FYTTD1: variants seen among roughly 807,000 people sequenced by gnomAD.
The protein encoded by FYTTD1 is UAP56-interacting factor.
FYTTD1 carries 22 observed loss-of-function variants against 40.9 expected under a neutral mutation model. The ratio of observed to expected loss-of-function variants is 0.54; its 90% CI spans 0.38 to 0.77. FYTTD1 has a LOEUF of 0.77. Ranked by LOEUF, FYTTD1 falls within the 30% of genes least tolerant of loss-of-function variation. FYTTD1 has a pLI of 0.00. For synonymous variants in FYTTD1, 140 were observed against 137.9 expected, an observed-to-expected ratio of 1.01 and a Z score of -0.10; for missense variants, 351 against 392.2, an observed-to-expected ratio of 0.90 and a Z score of 0.89.
Position 197,774,013 on chromosome 3 carries a change from G to T in FYTTD1, c.595-136G>T, listed in dbSNP as rs112118161. ...CGCACACGCCCCACTGGGTTAGGAA[G>T]TTGTAGAATAGCGCAGGCACCTCCG... On this transcript the variant is annotated intron_variant, in intron 5 of 8. Transcript: ENST00000241502. 2.6e-4 allele frequency: 186 copies of T among 716,648 alleles called. 4 individuals carry two copies. Among genetic ancestry groups the T allele is most frequent in the South Asian group, 4.7e-4 (27 of 57,330 alleles). The allele number at this position is 716,648 out of a possible 1,614,324, so 44.4% of individuals were successfully genotyped here.
chr3:197,759,893 A>G (rs940973372), intron 2 of FYTTD1, among the ~76,000 whole-genome samples: 1 of 147,638 alleles, frequency 6.8e-6, no homozygotes, highest in Non-Finnish European at 1.5e-5. Context: ...GGTAGAATGT[A>G]TAGGGTGTTC....
At chr3:197,762,587 T>C (rs931927802) in intron 2 of FYTTD1, among the ~76,000 whole-genome samples, 1 of 123,498 alleles carries the variant, frequency 8.1e-6, no homozygotes, top group Non-Finnish European at 1.7e-5. Flanking sequence ...AGACTCTGTC[T>C]CAAACATAAA....
chr3:197,756,596 TTG>T, intron 2 of FYTTD1, 39 bp downstream of exon 2: 1 of 1,579,154 alleles, frequency 6.3e-7, no homozygotes, highest in Non-Finnish European at 8.7e-7. Context: ...AAGCTGTTAT[TTG>T]TGTGTTCATA....
intron 1 of FYTTD1, among the ~76,000 whole-genome samples, chr3:197,753,959 C>G (rs1371171979): frequency 6.6e-6 from 1 of 152,100 alleles, no homozygotes; most frequent in East Asian, 1.9e-4. Context: ...CCAGGATGGT[C>G]TCGATCTCCT....
chr3:197,756,938 C>G (rs1018306153), intron 2 of FYTTD1, among the ~76,000 whole-genome samples: 1 of 152,220 alleles, frequency 6.6e-6, no homozygotes, highest in African/African-American at 2.4e-5. Context: ...AAAGAGCATA[C>G]TACCTCACAA....
chr3:197,761,632 G>A (rs1729392647), intron 2 of FYTTD1, among the ~76,000 whole-genome samples: 1 of 152,224 alleles, frequency 6.6e-6, no homozygotes, highest in Non-Finnish European at 1.5e-5. Flanking sequence ...TTCAGTGGTG[G>A]AATGGTATAG....
At chr3:197,781,729 T>TA in intron 8 of FYTTD1, 82 bp from the exon 9 acceptor site, 1 of 927,790 alleles carries the variant, frequency 1.1e-6, no homozygotes, top group Non-Finnish European at 1.7e-6. Context: ...AAGATCACAT[T>TA]ATTGTTCCAA....
chr3:197,764,542 T>A (rs1729482841), intron 2 of FYTTD1, among the ~76,000 whole-genome samples: 1 of 151,916 alleles, frequency 6.6e-6, no homozygotes. Context: ...ACCCCATCTC[T>A]ACTAAAAATG....
intron 4 of FYTTD1, 117 bp downstream of exon 4, chr3:197,770,361 A>G (rs1729682292): frequency 3.0e-6 from 2 of 659,942 alleles, no homozygotes; most frequent in Non-Finnish European, 5.4e-6. Context: ...TTCAAGACAG[A>G]TATTTGGGAT....
At chr3:197,776,384 G>GTTTTTTTTTTTT (rs869308035) in intron 6 of FYTTD1, among the ~76,000 whole-genome samples, 1 of 133,390 alleles carries the variant, frequency 7.5e-6, no homozygotes. Flanking sequence ...GCTTAAATTT[G>GTTTTTTTTTTTT]TTTTTTTTTT....
chr3:197,773,296 G>A (rs554446637), intron 4 of FYTTD1, 107 bp from the exon 5 acceptor site: 8 of 614,280 alleles, frequency 1.3e-5, no homozygotes, highest in East Asian at 6.0e-5. Flanking sequence ...TTTGTTTCTT[G>A]CACCTCATGT....
At chr3:197,750,517 T>A in intron 1 of FYTTD1, 1 of 986,116 alleles carries the variant, frequency 1.0e-6, no homozygotes, top group Middle Eastern at 5.2e-4. Flanking sequence ...AAGAAAGGTC[T>A]TGGAGAGCCC....
chr3:197,782,023 T>A lies in FYTTD1; in HGVS notation c.*114T>A. On this transcript the variant is annotated 3_prime_UTR_variant, in exon 9 of 9. Coordinates refer to ENST00000241502, the MANE Select transcript of FYTTD1 (RefSeq NM_032288.7). ...CAAAATATTCACAAGGCTAAATAAC[T>A]CTTATTTTTATTTTTGAAGGTTTTT... is the stretch of plus-strand genomic sequence containing the variant. The A allele has an allele frequency of 4.2e-6, 2 of 471,858 alleles. No individual in the cohort carries two copies. The highest frequency in any genetic ancestry group is 7.5e-6 in the Non-Finnish European group (2 of 267,546). 29.2% of individuals were successfully genotyped at this position (471,858 alleles called of 1,614,324 possible). A position where few individuals can be genotyped will look rare whatever the true frequency, so the allele number is the denominator to read the frequency against.
chr3:197,782,065 AC>A lies in FYTTD1; in HGVS notation c.*157del, dbSNP rs1185317985. 2 of 454,236 alleles carry A rather than the reference AC, an allele frequency of 4.4e-6. No homozygotes were observed. Among genetic ancestry groups the A allele is most frequent in the South Asian group, 5.8e-5 (1 of 17,336 alleles). The allele number at this position is 454,236 out of a possible 1,614,324, so 28.1% of individuals were successfully genotyped here. A position where few individuals can be genotyped will look rare whatever the true frequency, so the allele number is the denominator to read the frequency against. On this transcript the variant is annotated 3_prime_UTR_variant, in exon 9 of 9. Transcript: ENST00000241502. ...AAGGTTTTTTTTTTTAAAAAAAAAA[AC>A]GTATAAAATAATGCCCTGAAAGAAT...
chr3:197,750,252 C>A, intron 1 of FYTTD1, 178 bp downstream of exon 1: 1 of 865,550 alleles, frequency 1.2e-6, no homozygotes, highest in Non-Finnish European at 1.6e-6. Context: ...ACGCCAGGTG[C>A]CCGGCTGGAC....
intron 2 of FYTTD1, among the ~76,000 whole-genome samples, chr3:197,759,157 C>T (rs936828107): frequency 2.0e-5 from 3 of 150,748 alleles, no homozygotes; most frequent in Non-Finnish European, 4.4e-5. Context: ...TAGAGTTGTT[C>T]CTCAGTGGTA....
intron 8 of FYTTD1, among the ~76,000 whole-genome samples, chr3:197,779,470 T>C (rs1729961903): frequency 1.3e-5 from 2 of 151,350 alleles, no homozygotes; most frequent in South Asian, 4.2e-4. Context: ...ATTAAGCTTG[T>C]ATCCTATAAT....
At chr3:197,779,507 T>A (rs1360367838) in intron 8 of FYTTD1, among the ~76,000 whole-genome samples, 2 of 150,458 alleles carry the variant, frequency 1.3e-5, no homozygotes, top group African/African-American at 4.9e-5. Context: ...ACTTTTGTAT[T>A]GACTTTGTGG....
chr3:197,758,092 A>G (rs957703605), intron 2 of FYTTD1, among the ~76,000 whole-genome samples: 9 of 152,150 alleles, frequency 5.9e-5, no homozygotes, highest in African/African-American at 1.7e-4. Context: ...TAGGAGAGAC[A>G]GGGTTTCTCC....
Sources: gnomAD v4.1 joint callset for allele counts (sites outside exome capture counted in the v4.1 genomes callset) on GRCh38, gnomAD v4.1.1 for gene constraint, MANE v1.5 for transcripts, NCBI Gene and HGNC (gene_info 2026-07-23, HGNC 2026-07-21) for gene names.